Variants in PPEF1 observed in about 807,000 individuals in gnomAD.
The protein encoded by PPEF1 is protein phosphatase with EF-hand domain 1.
In PPEF1, 12 loss-of-function variants were observed where a neutral mutation model predicts 53.3. That is an observed-to-expected ratio of 0.23 (90% confidence interval 0.14 to 0.36). The LOEUF is 0.36. Among genes scored for constraint, PPEF1 ranks in the 10% least tolerant of loss-of-function variants. PPEF1 has a pLI of 1.00. For missense variants in PPEF1, 334 were observed against 490.4 expected (o/e 0.68, Z 3.01); for synonymous variants, 165 against 176.7 (o/e 0.93, Z 0.52).
At chrX:18,730,817 C>T (rs750202704) in intron 2 of PPEF1, among the ~76,000 whole-genome samples, 16 of 108,850 alleles carry the variant, frequency 1.5e-4, no homozygotes, top group Non-Finnish European at 2.7e-4. Flanking sequence ...TGGGTTCAAG[C>T]GATTCTCCTG....
rs180774815 is a variant in PPEF1 at position 18,770,075 on chromosome X, A to G, written c.558+8499A>G. ...TATCTGTCAACTTAATCACCATGTC[A>G]TAGACGGTTTGTTGCATATTAGCTG... On this transcript the variant is annotated intron_variant, in intron 6 of 15. Coordinates refer to ENST00000470157, the MANE Select transcript of PPEF1 (RefSeq NM_001377996.1). 2.1e-4 allele frequency among the ~76,000 whole-genome samples: 24 copies of G among 111,743 alleles called. 1 individual carries two copies. In the East Asian group the frequency reaches 5.0e-3, roughly 24 times the overall value.
chrX:18,740,677 G>A (rs1161608440), intron 3 of PPEF1, among the ~76,000 whole-genome samples: 1 of 111,346 alleles, frequency 9.0e-6, no homozygotes, highest in Non-Finnish European at 1.9e-5. Context: ...CCAAAGTGCT[G>A]GGATTACAGG....
chrX:18,795,131 G>A lies in PPEF1; in HGVS notation c.1065+5858G>A, dbSNP rs907265172. 3.6e-5 allele frequency among the ~76,000 whole-genome samples: 4 copies of A among 110,607 alleles called. 1 individual carries two copies. The highest frequency in any genetic ancestry group is 6.6e-5 in the African/African-American group (2 of 30,370). Reference sequence around the variant, plus strand: ...TGGAGACCAGCCTTGGCAACTTGGCGAAACCCCATATCTATAAAAAGTACA... The same window carrying A: ...TGGAGACCAGCCTTGGCAACTTGGCAAAACCCCATATCTATAAAAAGTACA... On this transcript the variant is annotated intron_variant, in intron 10 of 15. Coordinates refer to ENST00000470157, the MANE Select transcript of PPEF1 (RefSeq NM_001377996.1).
At chrX:18,811,796 G>A (rs781773604) in intron 12 of PPEF1, among the ~76,000 whole-genome samples, 1 of 108,371 alleles carries the variant, frequency 9.2e-6, no homozygotes, top group East Asian at 2.9e-4. Context: ...TTGATGAAAC[G>A]GGATTTCACC....
chrX:18,739,738 G>C (rs745360063), intron 3 of PPEF1, among the ~76,000 whole-genome samples: 20 of 112,384 alleles, frequency 1.8e-4, no homozygotes, highest in African/African-American at 6.5e-4. Flanking sequence ...CAGAGGTGGC[G>C]TCTATAGAGG....
upstream of PPEF1, among the ~76,000 whole-genome samples, chrX:18,675,260 C>T (rs1465395167): frequency 8.8e-6 from 1 of 113,441 alleles, no homozygotes; most frequent in Non-Finnish European, 1.9e-5. Flanking sequence ...CGGGGCGGCC[C>T]GGCGGCCGGA....
At chrX:18,702,089 G>A (rs772785236) in intron 6 of PPEF1, among the ~76,000 whole-genome samples, 1 of 112,049 alleles carries the variant, frequency 8.9e-6, no homozygotes, top group South Asian at 3.8e-4. Context: ...AGTGATGGAA[G>A]GGAACTCTCT....
intron 4 of PPEF1, among the ~76,000 whole-genome samples, chrX:18,692,863 C>A (rs1488646313): frequency 9.0e-6 from 1 of 111,660 alleles, no homozygotes; most frequent in Non-Finnish European, 1.9e-5. Context: ...TTCTAAGATG[C>A]ATTTTTTTTT....
chrX:18,806,179 G>C (rs1156426080), intron 11 of PPEF1, among the ~76,000 whole-genome samples: 1 of 111,631 alleles, frequency 9.0e-6, no homozygotes, highest in Non-Finnish European at 1.9e-5. Flanking sequence ...ATGCGCTGAG[G>C]ACATTGGCTG....
At chrX:18,695,586 G>C (rs1929670581) in intron 4 of PPEF1, among the ~76,000 whole-genome samples, 1 of 111,834 alleles carries the variant, frequency 8.9e-6, no homozygotes, top group African/African-American at 3.3e-5. Context: ...AGTAGAGTGG[G>C]TAAAATGTCC....
At chrX:18,702,324 G>A (rs1169556545) in intron 6 of PPEF1, among the ~76,000 whole-genome samples, 2 of 110,135 alleles carry the variant, frequency 1.8e-5, no homozygotes, top group Admixed American at 9.9e-5. Flanking sequence ...GGTAGAGGGT[G>A]TTGGTATCAG....
intron 1 of PPEF1, among the ~76,000 whole-genome samples, chrX:18,726,140 G>A (rs1210883773): frequency 2.7e-5 from 3 of 110,531 alleles, no homozygotes; most frequent in Admixed American, 9.7e-5. Flanking sequence ...TGGATCATGA[G>A]GTCAGGAGTT....
chrX:18,749,387 A>G (rs1380212915), intron 3 of PPEF1, among the ~76,000 whole-genome samples: 1 of 112,729 alleles, frequency 8.9e-6, no homozygotes, highest in Non-Finnish European at 1.9e-5. Flanking sequence ...TCTGAATAGC[A>G]GCAGATGTTT....
intron 10 of PPEF1, among the ~76,000 whole-genome samples, chrX:18,794,219 T>C (rs901494325): frequency 5.3e-5 from 6 of 113,256 alleles, no homozygotes; most frequent in Non-Finnish European, 7.5e-5. Context: ...CTCATCTGTG[T>C]CTTTCCCCGA....
At chrX:18,696,353 A>C (rs1471332700) in intron 4 of PPEF1, among the ~76,000 whole-genome samples, 1 of 103,166 alleles carries the variant, frequency 9.7e-6, no homozygotes, top group South Asian at 4.4e-4. Context: ...AGGTCTTGCT[A>C]TGTTGCCCAG....
At chrX:18,766,265 C>T (rs180860141) in intron 6 of PPEF1, among the ~76,000 whole-genome samples, 85 of 109,881 alleles carry the variant, frequency 7.7e-4, no homozygotes, top group Non-Finnish European at 1.3e-3. Flanking sequence ...TCTGAGGAAG[C>T]CCCGACCATC....
intron 5 of PPEF1, among the ~76,000 whole-genome samples, chrX:18,699,557 C>T (rs1929938782): frequency 8.9e-6 from 1 of 112,085 alleles, no homozygotes; most frequent in African/African-American, 3.2e-5. Flanking sequence ...TAGATTGCCT[C>T]GAACATAGCA....
upstream of PPEF1, among the ~76,000 whole-genome samples, chrX:18,682,705 C>T (rs181886848): frequency 2.6e-4 from 29 of 112,083 alleles, no homozygotes; most frequent in Admixed American, 2.4e-3. Context: ...ATCTGTGTCT[C>T]AAATGGATGA....
At chrX:18,689,557 A>G (rs1207129378) in intron 3 of PPEF1, among the ~76,000 whole-genome samples, 2 of 109,176 alleles carry the variant, frequency 1.8e-5, no homozygotes, top group Admixed American at 1.9e-4. Context: ...AGTGCCCCTC[A>G]AAGTATGCTT....
Sources: gnomAD v4.1 joint callset for allele counts (sites outside exome capture counted in the v4.1 genomes callset) on GRCh38, gnomAD v4.1.1 for gene constraint, MANE v1.5 for transcripts, NCBI Gene and HGNC (gene_info 2026-07-23, HGNC 2026-07-21) for gene names.